DLG2: variants seen among roughly 807,000 people sequenced by gnomAD.
DLG2 encodes disks large homolog 2.
Under a neutral mutation model 132.5 loss-of-function variants are expected in DLG2, and 45 were observed. The observed-to-expected ratio is 0.34, with a 90% CI of 0.27 to 0.44. The LOEUF (loss-of-function observed/expected upper bound fraction) is 0.44, where lower values mean the gene tolerates loss of function less well. Among genes scored for constraint, DLG2 ranks in the 20% least tolerant of loss-of-function variants. The probability of loss-of-function intolerance (pLI) is 1.00; values close to 1 mark genes in which losing one functional copy is unlikely to be tolerated. For missense variants in DLG2, 1,045 were observed against 1,196.9 expected, an observed-to-expected ratio of 0.87 and a Z score of 1.87; for synonymous variants, 424 against 419.6, an observed-to-expected ratio of 1.01 and a Z score of -0.13.
At chr11:84,763,015 T>C (rs914359960) in intron 6 of DLG2, among the ~76,000 whole-genome samples, 1 of 152,130 alleles carries the variant, frequency 6.6e-6, no homozygotes, top group African/African-American at 2.4e-5. Flanking sequence ...CTCATAGACA[T>C]GCCATTCACT....
intron 5 of DLG2, among the ~76,000 whole-genome samples, chr11:85,112,252 G>A (rs532943942): frequency 6.6e-6 from 1 of 152,142 alleles, no homozygotes; most frequent in East Asian, 1.9e-4. Context: ...AAAAACTGAA[G>A]TGCAGAGAAA....
chr11:83,986,078 C>T (rs561700196), intron 11 of DLG2, among the ~76,000 whole-genome samples: 15 of 151,026 alleles, frequency 9.9e-5, no homozygotes, highest in African/African-American at 2.9e-4. Flanking sequence ...TATTATTATA[C>T]TTTAAGTTTT....
chr11:85,420,564 A>G (rs1481521089), intron 3 of DLG2, among the ~76,000 whole-genome samples: 2 of 152,140 alleles, frequency 1.3e-5, no homozygotes, highest in Non-Finnish European at 2.9e-5. Flanking sequence ...TGTCCCAAGG[A>G]GATGGGAGTT....
At chr11:84,194,305 T>C (rs2096471391) in intron 8 of DLG2, among the ~76,000 whole-genome samples, 1 of 152,188 alleles carries the variant, frequency 6.6e-6, no homozygotes, top group African/African-American at 2.4e-5. Context: ...AGATGGTGCC[T>C]CTGGAGTTTG....
rs185709083 is a variant in DLG2 at position 84,497,572 on chromosome 11, C to T, written c.519+36998G>A. ...CTGTTACCTCCAAAGGAGATCCCTG[C>T]GGAAACCTCTGAAATATTAATTCAA... On this transcript the variant is annotated intron_variant, in intron 7 of 27. Transcript: ENST00000376104. 1.5e-3 allele frequency among the ~76,000 whole-genome samples: 233 copies of T among 152,190 alleles called. 1 individual carries two copies. The highest frequency in any genetic ancestry group is 5.2e-3 in the African/African-American group (214 of 41,550).
chr11:84,660,970 A>G (rs866513101), intron 6 of DLG2, among the ~76,000 whole-genome samples: 1 of 152,218 alleles, frequency 6.6e-6, no homozygotes, highest in African/African-American at 2.4e-5. Flanking sequence ...AGAATACATT[A>G]CAGTTTAATG....
chr11:83,492,545 TCAAAC>T (rs1387274409), intron 21 of DLG2, among the ~76,000 whole-genome samples: 2 of 152,008 alleles, frequency 1.3e-5, no homozygotes, highest in African/African-American at 4.8e-5. Context: ...TACATAGTCT[TCAAAC>T]CAAACACGTG....
At chr11:84,931,949 CT>C (rs2048145878) in intron 6 of DLG2, among the ~76,000 whole-genome samples, 1 of 152,158 alleles carries the variant, frequency 6.6e-6, no homozygotes, top group Admixed American at 6.5e-5. Context: ...CCTTTGCCCA[CT>C]TTTTAATGGG....
chr11:85,256,475 G>A (rs988168521), intron 4 of DLG2, among the ~76,000 whole-genome samples: 1 of 152,176 alleles, frequency 6.6e-6, no homozygotes, highest in Non-Finnish European at 1.5e-5. Context: ...CAGGTAGCAA[G>A]AGGGCACTGA....
chr11:85,406,417 G>A (rs1296788773), intron 3 of DLG2, among the ~76,000 whole-genome samples: 1 of 151,772 alleles, frequency 6.6e-6, no homozygotes, highest in Non-Finnish European at 1.5e-5. Flanking sequence ...TAAAAAAACA[G>A]AAAAAGTTAG....
At chr11:85,071,706 A>G (rs1566789068) in intron 6 of DLG2, among the ~76,000 whole-genome samples, 1 of 151,818 alleles carries the variant, frequency 6.6e-6, no homozygotes, top group Non-Finnish European at 1.5e-5. Context: ...TGTATCTTGA[A>G]AAAAATCAGG....
chr11:84,923,272 A>G, intron 6 of DLG2: 1 of 1,489,548 alleles, frequency 6.7e-7, no homozygotes, highest in Non-Finnish European at 8.9e-7. Context: ...CTACAAAACG[A>G]CATGTCTTGA....
At position 84,983,151 on chromosome 11, in the gene DLG2, T is replaced by C. The variant is rs1429358451; in HGVS notation, c.357+128510A>G. On this transcript the variant is annotated intron_variant, in intron 6 of 27. Coordinates refer to ENST00000376104, the MANE Select transcript of DLG2 (RefSeq NM_001142699.3). The stretch of plus-strand genomic sequence containing the variant: ...CAGAGCAGTGTGTGGAGGCTTGCAT[T>C]GTGAACTTTTGTTCCAAAATGACTG... Among the ~76,000 whole-genome samples the C allele has an allele frequency of 1.8e-4, 27 of 152,264 alleles. No individual in the cohort carries two copies. The East Asian group carries it at 5.0e-3, about 28-fold the overall frequency.
chr11:85,385,084 T>C (rs555977357), intron 3 of DLG2, among the ~76,000 whole-genome samples: 2 of 152,340 alleles, frequency 1.3e-5, no homozygotes, highest in Non-Finnish European at 1.5e-5. Context: ...GAACTAATTC[T>C]TTGAGACCAG....
intron 6 of DLG2, among the ~76,000 whole-genome samples, chr11:84,559,754 A>T (rs990536475): frequency 2.0e-5 from 3 of 152,140 alleles, no homozygotes; most frequent in African/African-American, 4.8e-5. Context: ...TTCCTGATCA[A>T]TACATTTTTT....
intron 6 of DLG2, among the ~76,000 whole-genome samples, chr11:84,881,157 G>A (rs1041842895): frequency 3.3e-5 from 5 of 152,084 alleles, no homozygotes; most frequent in Non-Finnish European, 7.4e-5. Context: ...GTAAGTGCCT[G>A]CTGATCAGAC....
At position 84,264,944 on chromosome 11, in the gene DLG2, T is replaced by C. The variant is rs568487931; in HGVS notation, c.520-13653A>G. Among the ~76,000 whole-genome samples, 26 of 152,306 alleles carry C rather than the reference T, an allele frequency of 1.7e-4. No individual in the cohort carries two copies. In the East Asian group the frequency reaches 4.8e-3, roughly 28 times the overall value. ...ACTCTCTGAATTATTTCTAAGGTTA[T>C]ATACAACTATAATGAGAATCGTATG... is the stretch of plus-strand genomic sequence containing the variant. On this transcript the variant is annotated intron_variant, in intron 7 of 27. Coordinates refer to ENST00000376104, the MANE Select transcript of DLG2 (RefSeq NM_001142699.3).
chr11:84,444,668 T>C (rs2099027633), intron 7 of DLG2, among the ~76,000 whole-genome samples: 1 of 152,204 alleles, frequency 6.6e-6, no homozygotes, highest in Non-Finnish European at 1.5e-5. Context: ...TTATGTATGC[T>C]TTATAGTAAA....
intron 3 of DLG2, among the ~76,000 whole-genome samples, chr11:85,412,760 C>CACATATATAT (rs756868795): frequency 2.0e-4 from 23 of 113,278 alleles, no homozygotes; most frequent in Admixed American, 3.7e-4. Flanking sequence ...CACACACACA[C>CACATATATAT]ATATATATAT....
Sources: allele counts gnomAD v4.1 joint callset (sites outside exome capture counted in the v4.1 genomes callset), GRCh38; gene constraint gnomAD v4.1.1; transcripts MANE v1.5; gene names NCBI Gene and HGNC (gene_info 2026-07-23, HGNC 2026-07-21).